PTBP1: variants seen among roughly 807,000 people sequenced by gnomAD.
PTBP1 encodes polypyrimidine tract binding protein 1, also known as polypyrimidine tract-binding protein 1.
In PTBP1, 8 loss-of-function variants were observed where a neutral mutation model predicts 59.8. The ratio of observed to expected loss-of-function variants is 0.13; its 90% CI spans 0.08 to 0.24. The LOEUF is 0.24. Among genes scored for constraint, PTBP1 ranks in the 10% least tolerant of loss-of-function variants. The pLI is 1.00. For missense variants in PTBP1, 686 were observed against 767.0 expected (o/e 0.89, Z 1.25); for synonymous variants, 490 against 320.7 (o/e 1.53, Z -5.64).
rs2034844656 is a variant in PTBP1 at position 811,111 on chromosome 19, G to A, written c.*285G>A. The A allele has an allele frequency of 1.9e-5, 6 of 316,910 alleles. No individual in the cohort carries two copies. Among genetic ancestry groups the A allele is most frequent in the Non-Finnish European group, 1.7e-5 (3 of 174,684 alleles). 19.6% of individuals were successfully genotyped at this position (316,910 alleles called of 1,614,324 possible). A position where few individuals can be genotyped will look rare whatever the true frequency, so the allele number is the denominator to read the frequency against. On this transcript the variant is annotated 3_prime_UTR_variant, in exon 15 of 15. Coordinates refer to ENST00000356948, the MANE Select transcript of PTBP1 (RefSeq NM_002819.5). ...TGCCTTGGTGGGGCCTGTGTCGGGC[G>A]TGGGGCCTGCAGGTGGGCGCCCCGA...
chr19:808,243 A>G lies in PTBP1; in HGVS notation c.1154-117A>G. On this transcript the variant is annotated intron_variant, in intron 11 of 14. Coordinates refer to ENST00000356948, the MANE Select transcript of PTBP1 (RefSeq NM_002819.5). This position sits in a 1 kb window ranked among gnomAD's most constrained non-coding sequence, Gnocchi z 4.7. ...GAGACGCAGCTCCGCAGTGGCCGAT[A>G]AAGCAAACCCGGCCGGGCTGAGCCG... 1 of 884,490 alleles carries G rather than the reference A, an allele frequency of 1.1e-6. No individual in the cohort carries two copies. The highest frequency in any genetic ancestry group is 1.8e-6 in the Non-Finnish European group (1 of 557,880). The allele number at this position is 884,490 out of a possible 1,614,324, so 54.8% of individuals were successfully genotyped here.
intron 8 of PTBP1, 111 bp downstream of exon 8, chr19:805,298 G>T: frequency 1.5e-6 from 2 of 1,341,666 alleles, no homozygotes; most frequent in Non-Finnish European, 2.1e-6. Context: ...TGCACCTGCT[G>T]CTCTCTGCAC....
intron 10 of PTBP1, 71 bp downstream of exon 10, chr19:806,627 G>A (rs988457545): frequency 7.2e-6 from 10 of 1,396,024 alleles, no homozygotes; most frequent in African/African-American, 1.5e-5. Flanking sequence ...GCTCGGGCTC[G>A]GGTCCCGGAG....
chr19:799,394 CCTTT>C lies in PTBP1; in HGVS notation c.9-12_9-9del, dbSNP rs898821651. The C allele has an allele frequency of 9.3e-6, 15 of 1,613,542 alleles. No homozygotes were observed. Among genetic ancestry groups the C allele is most frequent in the Admixed American group, 3.3e-5 (2 of 60,006 alleles). On this transcript the variant is annotated splice_polypyrimidine_tract_variant and intron_variant, in intron 1 of 14. Coordinates refer to ENST00000356948, the MANE Select transcript of PTBP1 (RefSeq NM_002819.5). The stretch of plus-strand genomic sequence containing the variant: ...AGTGGCCACCAGGCTAACGTTGTCT[CCTTT>C]CTTTCTCTCTACAGCATTGTCCCAG...
In PTBP1 at chr19:810,589, G is replaced by T; in HGVS notation, c.1510G>T (p.Gly504Trp). ...EDLKVLFSSN[G>W]GVVKGFKFFQ... ...TCTCAAGGTCCTGTTTTCCAGCAAT[G>T]GGGGCGTCGTCAAAGGATTCAAGTT... The change falls in exon 14 of 15, where the codon GGG becomes TGG. Residue 504 changes from glycine to tryptophan, a missense_variant. Transcript: ENST00000356948. 1 of 1,613,778 alleles carries T rather than the reference G, an allele frequency of 6.2e-7. No individual in the cohort carries two copies. The highest frequency in any genetic ancestry group is 8.5e-7 in the Non-Finnish European group (1 of 1,179,894).
intron 1 of PTBP1, 141 bp downstream of exon 1, chr19:797,646 G>T (rs1315918299): frequency 9.1e-6 from 4 of 441,460 alleles, no homozygotes; most frequent in Non-Finnish European, 1.4e-5. Flanking sequence ...CTCTCCGCGT[G>T]GCGGGCGCGG....
At chr19:805,419 C>A in intron 8 of PTBP1, 73 bp from the exon 9 acceptor site, 1 of 1,451,654 alleles carries the variant, frequency 6.9e-7, no homozygotes, top group Non-Finnish European at 9.7e-7. Context: ...CGGGTTGGGG[C>A]CCATCCCGCA....
chr19:806,049 C>T (rs549811111), intron 9 of PTBP1: 16 of 253,002 alleles, frequency 6.3e-5, no homozygotes, highest in African/African-American at 2.5e-4. Flanking sequence ...GCGGCCGCCT[C>T]GTCTGCATGG....
rs749058211 is a variant in PTBP1, at chr19:799,409, A to G, written c.9-4A>G. The G allele has an allele frequency of 6.2e-7, 1 of 1,613,704 alleles. No homozygotes were observed. The highest frequency in any genetic ancestry group is 8.5e-7 in the Non-Finnish European group (1 of 1,179,824). On this transcript the variant is annotated splice_polypyrimidine_tract_variant and splice_region_variant and intron_variant, in intron 1 of 14. Coordinates refer to ENST00000356948, the MANE Select transcript of PTBP1 (RefSeq NM_002819.5). ...AACGTTGTCTCCTTTCTTTCTCTCT[A>G]CAGCATTGTCCCAGATATAGCCGTT...
chr19:805,795 C>T (rs2034537158), intron 9 of PTBP1: 2 of 568,404 alleles, frequency 3.5e-6, no homozygotes, highest in South Asian at 3.9e-5. Flanking sequence ...CCAGAAGCCG[C>T]TAATCGCACA....
rs778989485 is a variant in PTBP1 at position 804,116 on chromosome 19, C to T, written c.196C>T (p.Leu66Phe). 1 of 1,613,966 alleles carries T rather than the reference C, an allele frequency of 6.2e-7. No individual in the cohort carries two copies. The highest frequency in any genetic ancestry group is 1.7e-5 in the Admixed American group (1 of 59,992). Residue 66 changes from leucine (L) to phenylalanine (F), a missense_variant, in exon 4 of 15, where the codon CTC (leucine) becomes TTC (phenylalanine). Leu to Phe is a conservative substitution (Grantham distance 22, BLOSUM62 0). Coordinates refer to ENST00000356948, the MANE Select transcript of PTBP1 (RefSeq NM_002819.5). ...CTCTAGAGTGATCCACATCCGGAAG[C>T]TCCCCATCGACGTCACGGAGGGGGA... Reference protein sequence around the residue: ...VPSRVIHIRKLPIDVTEGEVI... With the variant: ...VPSRVIHIRKFPIDVTEGEVI...
rs191858699 is a variant in PTBP1 at position 811,950 on chromosome 19, C to G, written c.*1124C>G. 8 of 152,510 alleles carry G rather than the reference C, an allele frequency of 5.2e-5. No individual in the cohort carries two copies. The East Asian group carries it at 1.5e-3, about 29-fold the overall frequency. 9.4% of individuals were successfully genotyped at this position (152,510 alleles called of 1,614,324 possible). ...TGTCTTCTCTGTGCTCTTTCTACCG[C>G]CCCCGCGTCCTGTCCCGGGGGCTCT... On this transcript the variant is annotated 3_prime_UTR_variant, in exon 15 of 15. Transcript: ENST00000356948.
intron 1 of PTBP1, among the ~76,000 whole-genome samples, chr19:797,981 C>G (rs1410588001): frequency 6.7e-6 from 1 of 149,858 alleles, no homozygotes; most frequent in Non-Finnish European, 1.5e-5. Flanking sequence ...TCCCGCCGCC[C>G]GGACTCTGCC....
At chr19:797,739 C>T (rs1405432751) in intron 1 of PTBP1, among the ~76,000 whole-genome samples, 3 of 148,392 alleles carry the variant, frequency 2.0e-5, no homozygotes, top group African/African-American at 7.3e-5. Flanking sequence ...CCGCGCGCCC[C>T]GTCCCTAGCG....
rs2034451677 is a variant in PTBP1, at chr19:804,051, G to A, written c.131G>A (p.Ser44Asn). 4 of 1,614,032 alleles carry A rather than the reference G, an allele frequency of 2.5e-6. No homozygotes were observed. The highest frequency in any genetic ancestry group is 3.4e-6 in the Non-Finnish European group (4 of 1,180,002). The change falls in exon 4 of 15, where the codon AGC (serine) becomes AAC (asparagine). Residue 44 changes from serine to asparagine, a missense_variant. By Grantham distance (46) the Ser-to-Asn change is conservative. Transcript: ENST00000356948. ...NSASAANGND[S>N]KKFKGDSRSA... is the part of the protein sequence containing the mutation. Reference sequence around the variant, plus strand: ...CCCTTTTCAGCAAACGGAAATGACAGCAAGAAGTTCAAAGGTGACAGCCGA... The same window carrying A: ...CCCTTTTCAGCAAACGGAAATGACAACAAGAAGTTCAAAGGTGACAGCCGA...
chr19:808,351 C>G lies in PTBP1; in HGVS notation c.1154-9C>G. Reference sequence around the variant, plus strand: ...AGGAGACTCAGGCCCCATCCCTGGGCTTTTGAAGGCGTCTACGGTGACGTG... The same window carrying G: ...AGGAGACTCAGGCCCCATCCCTGGGGTTTTGAAGGCGTCTACGGTGACGTG... On this transcript the variant is annotated splice_polypyrimidine_tract_variant and intron_variant, in intron 11 of 14. Transcript: ENST00000356948. The surrounding 1 kb of genome is among the most constrained non-coding windows in gnomAD (Gnocchi z 4.7). 2 of 1,588,966 alleles carry G rather than the reference C, an allele frequency of 1.3e-6. No homozygotes were observed. The highest frequency in any genetic ancestry group is 1.7e-6 in the Non-Finnish European group (2 of 1,169,008).
At position 811,613 on chromosome 19, in the gene PTBP1, CTTTTA is replaced by C. The variant is rs1040718418; in HGVS notation, c.*795_*799del. 4 of 152,292 alleles carry C rather than the reference CTTTTA, an allele frequency of 2.6e-5. No individual in the cohort carries two copies. Among genetic ancestry groups the C allele is most frequent in the South Asian group, 2.1e-4 (1 of 4,830 alleles). The allele number at this position is 152,292 out of a possible 1,614,324, so 9.4% of individuals were successfully genotyped here. A position where few individuals can be genotyped will look rare whatever the true frequency, so the allele number is the denominator to read the frequency against. On this transcript the variant is annotated 3_prime_UTR_variant, in exon 15 of 15. Transcript: ENST00000356948. ...TGTGGTATTACCTTGTATGCTGTTA[CTTTTA>C]TTTTATTCCTTGTAATTAAGTCACA...
In PTBP1 at chr19:808,127, GCCA is replaced by G; in HGVS notation, c.1153+228_1154-228del. 1.6e-6 allele frequency: 1 copy of G among 627,738 alleles called. No individual in the cohort carries two copies. Among genetic ancestry groups the G allele is most frequent in the East Asian group, 2.7e-5 (1 of 36,696 alleles). 38.9% of individuals were successfully genotyped at this position (627,738 alleles called of 1,614,324 possible). ...AGAGTTAGACCTGTCGGTGGCATAT[GCCA>G]CCGTGGCCACCCGCTGGCAGCTTAC... On this transcript the variant is annotated intron_variant, in intron 11 of 14. Coordinates refer to ENST00000356948, the MANE Select transcript of PTBP1 (RefSeq NM_002819.5). This position sits in a 1 kb window ranked among gnomAD's most constrained non-coding sequence, Gnocchi z 4.7.
rs1599231560 is a variant in PTBP1 at position 805,336 on chromosome 19, C to T, written c.892+149C>T. ...CCAGCACAGCACGGTCCAGTGTCCC[C>T]CACGTCGGGACCACGGCCCCCCCTG... On this transcript the variant is annotated intron_variant, in intron 8 of 14. Coordinates refer to ENST00000356948, the MANE Select transcript of PTBP1 (RefSeq NM_002819.5). 3.2e-5 allele frequency: 38 copies of T among 1,202,062 alleles called. 1 individual carries two copies. In the South Asian group the frequency reaches 4.9e-4, roughly 15 times the overall value. The allele number at this position is 1,202,062 out of a possible 1,614,324, so 74.5% of individuals were successfully genotyped here.
Sources: gnomAD v4.1 joint callset for allele counts (sites outside exome capture counted in the v4.1 genomes callset) on GRCh38, gnomAD v4.1.1 for gene constraint, Gnocchi (gnomAD v3.1) non-coding constraint, MANE v1.5 for transcripts, NCBI Gene and HGNC (gene_info 2026-07-23, HGNC 2026-07-21) for gene names.